The following ATP13A5 variants were observed in gnomAD, a reference collection of about 807,000 sequenced individuals.
ATP13A5 encodes the protein probable cation-transporting ATPase 13A5.
Under a neutral mutation model 150.2 loss-of-function variants are expected in ATP13A5, and 149 were observed. That is an observed-to-expected ratio of 0.99 (90% CI 0.87 to 1.14). The LOEUF (loss-of-function observed/expected upper bound fraction) is 1.14, where lower values mean the gene tolerates loss of function less well. ATP13A5 is among the 50% of genes most tolerant of loss of function. ATP13A5 has a pLI of 0.00. For missense variants in ATP13A5, 1,383 were observed against 1,449.3 expected (o/e 0.95, Z 0.74); for synonymous variants, 497 against 522.2 (o/e 0.95, Z 0.66).
chr3:193,277,237 C>T (rs866050233), intron 28 of ATP13A5, among the ~76,000 whole-genome samples: 59 of 152,288 alleles, frequency 3.9e-4, no homozygotes, highest in African/African-American at 1.4e-3. Context: ...GGAATTCATT[C>T]TTTAAGGAGG....
chr3:193,338,449 T>C (rs916036625), intron 9 of ATP13A5, among the ~76,000 whole-genome samples: 30 of 152,360 alleles, frequency 2.0e-4, no homozygotes, highest in Admixed American at 1.6e-3. Flanking sequence ...TGAAGGGCTG[T>C]TGAATTTTAT....
At chr3:193,303,408 T>C (rs1165999455) in intron 23 of ATP13A5, among the ~76,000 whole-genome samples, 2 of 152,198 alleles carry the variant, frequency 1.3e-5, no homozygotes, top group African/African-American at 4.8e-5. Context: ...AGCAAATTTA[T>C]TGAGCACGTC....
At position 193,331,170 on chromosome 3, in the gene ATP13A5, G is replaced by C. The variant is rs765298077; in HGVS notation, c.1414C>G (p.Gln472Glu). 2 of 1,613,964 alleles carry C rather than the reference G, an allele frequency of 1.2e-6. No homozygotes were observed. The change falls in exon 12 of 30, where the codon CAG becomes GAG. Residue 472 changes from glutamine (Q) to glutamate (E), a missense_variant. Gln to Glu is a conservative substitution (Grantham distance 29). This residue lies in a region of ATP13A5 where 787 missense variants were observed against 771.9 expected (regional missense o/e 1.02). Transcript: ENST00000342358. ...KKKKIFCISP[Q>E]RINMCGQINL... is the part of the protein sequence containing the mutation. ...ATTTGCCCACACATGTTGATTCTCTGTGGGGAGATACAGAAGATTTTCTTT... is the reference window on the plus strand; with the variant it reads ...ATTTGCCCACACATGTTGATTCTCTCTGGGGAGATACAGAAGATTTTCTTT...
intron 15 of ATP13A5, 133 bp downstream of exon 15, chr3:193,322,358 A>G: frequency 2.7e-6 from 2 of 732,744 alleles, no homozygotes; most frequent in South Asian, 1.8e-5. Context: ...CGGAAATGAA[A>G]GAAACAGCAA....
intron 1 of ATP13A5, among the ~76,000 whole-genome samples, chr3:193,369,030 G>T (rs1560153760): frequency 6.6e-6 from 1 of 152,136 alleles, no homozygotes; most frequent in Non-Finnish European, 1.5e-5. Context: ...GATTGCTTGA[G>T]GCCAGGAGTT....
chr3:193,363,106 C>G, intron 3 of ATP13A5, 130 bp downstream of exon 3: 11 of 1,161,332 alleles, frequency 9.5e-6, no homozygotes, highest in East Asian at 2.5e-5. Flanking sequence ...CCCAGCCAGT[C>G]TCACTTTCTT....
chr3:193,310,304 A>G (rs1433017924), intron 21 of ATP13A5, among the ~76,000 whole-genome samples: 1 of 152,104 alleles, frequency 6.6e-6, no homozygotes, highest in Admixed American at 6.6e-5. Context: ...TGTCTTTGCT[A>G]TTGTGAATAG....
intron 9 of ATP13A5, among the ~76,000 whole-genome samples, chr3:193,335,735 T>C (rs1278959086): frequency 6.6e-6 from 1 of 152,172 alleles, no homozygotes; most frequent in East Asian, 1.9e-4. Context: ...CACTACTGAA[T>C]AAAGACCAAA....
chr3:193,334,448 T>C (rs548629204), intron 10 of ATP13A5, among the ~76,000 whole-genome samples: 1 of 152,278 alleles, frequency 6.6e-6, no homozygotes, highest in African/African-American at 2.4e-5. Context: ...GGTGATGATA[T>C]TAACAGAGAA....
chr3:193,371,354 T>C (rs1484729568), intron 1 of ATP13A5, among the ~76,000 whole-genome samples: 1 of 152,226 alleles, frequency 6.6e-6, no homozygotes, highest in Non-Finnish European at 1.5e-5. Context: ...CAGGGCTGCA[T>C]ACTCTCTTGT....
At chr3:193,368,013 G>A (rs1341221504) in intron 1 of ATP13A5, among the ~76,000 whole-genome samples, 1 of 142,212 alleles carries the variant, frequency 7.0e-6, no homozygotes, top group African/African-American at 2.5e-5. Flanking sequence ...GAGGGGAGGG[G>A]AAGGGAGGGG....
At chr3:193,295,526 C>A (rs1404781908) in intron 25 of ATP13A5, among the ~76,000 whole-genome samples, 1 of 152,016 alleles carries the variant, frequency 6.6e-6, no homozygotes, top group Non-Finnish European at 1.5e-5. Context: ...GTATGTGAAT[C>A]CCCCACTGAA....
intron 25 of ATP13A5, among the ~76,000 whole-genome samples, chr3:193,297,614 C>T (rs576095820): frequency 5.9e-5 from 9 of 152,146 alleles, no homozygotes; most frequent in South Asian, 2.1e-4. Context: ...TCTGGTCTAT[C>T]GTCACCCTTC....
intron 23 of ATP13A5, among the ~76,000 whole-genome samples, chr3:193,304,064 A>T (rs1256394270): frequency 7.2e-5 from 11 of 152,286 alleles, no homozygotes; most frequent in Middle Eastern, 6.8e-3. Context: ...TACTATCATC[A>T]TGTAGTCACC....
chr3:193,314,870 AT>A, intron 18 of ATP13A5, 101 bp downstream of exon 18: 3 of 1,456,802 alleles, frequency 2.1e-6, no homozygotes, highest in African/African-American at 1.4e-5. Context: ...ACAACAGAAC[AT>A]TTTTCCCTGT....
intron 11 of ATP13A5, among the ~76,000 whole-genome samples, chr3:193,332,353 AT>A (rs1248631955): frequency 1.3e-5 from 2 of 152,112 alleles, no homozygotes; most frequent in African/African-American, 4.8e-5. Context: ...AGTCTCAGGT[AT>A]GTCTTTATTA....
chr3:193,319,926 C>T (rs908257038), intron 16 of ATP13A5, among the ~76,000 whole-genome samples: 4 of 152,316 alleles, frequency 2.6e-5, no homozygotes, highest in Middle Eastern at 6.8e-3. Flanking sequence ...GAAATGGACG[C>T]CATGTGATTG....
rs574663288 is a variant in ATP13A5, at chr3:193,297,629, G to A, written c.2848+1502C>T. On this transcript the variant is annotated intron_variant, in intron 25 of 29. Transcript: ENST00000342358. ...TCTGGTCTATCGTCACCCTTCTGAG[G>A]TTTTTTTTCTCCTAGTGGTAATAAC... is the stretch of plus-strand genomic sequence containing the variant. 8.6e-5 allele frequency among the ~76,000 whole-genome samples: 13 copies of A among 151,824 alleles called. No individual in the cohort carries two copies. The South Asian group carries it at 2.7e-3, about 32-fold the overall frequency.
intron 26 of ATP13A5, 105 bp downstream of exon 26, chr3:193,289,780 T>C (rs1717872234): frequency 1.8e-6 from 2 of 1,112,636 alleles, no homozygotes; most frequent in African/African-American, 1.6e-5. Context: ...CGACACAATT[T>C]GATTAATTAA....
Sources: allele counts gnomAD v4.1 joint callset (sites outside exome capture counted in the v4.1 genomes callset), GRCh38; gene constraint gnomAD v4.1.1; regional missense constraint gnomAD v4.1.1; transcripts MANE v1.5; gene names NCBI Gene and HGNC (gene_info 2026-07-23, HGNC 2026-07-21).